LIPA: variants seen among roughly 807,000 people sequenced by gnomAD.
LIPA encodes lipase A, lysosomal acid type, also known as lysosomal acid lipase/cholesteryl ester hydrolase.
In LIPA, 26 loss-of-function variants were observed where a neutral mutation model predicts 40.6. The observed-to-expected ratio is 0.64, with a 90% CI of 0.47 to 0.89. The LOEUF (loss-of-function observed/expected upper bound fraction) is 0.89. Ranked by LOEUF, LIPA falls within the 40% of genes least tolerant of loss-of-function variation. The pLI is 0.00. For synonymous variants in LIPA, 188 were observed against 168.4 expected, an observed-to-expected ratio of 1.12 and a Z score of -0.90; for missense variants, 455 against 479.6, an observed-to-expected ratio of 0.95 and a Z score of 0.48.
rs1221768062 is a variant in LIPA, at chr10:89,213,651, TATTAACC to T, written c.*1170_*1176del. On this transcript the variant is annotated 3_prime_UTR_variant, in exon 10 of 10. Transcript: ENST00000336233. ...TACAAAGTAGTATTCGCCCTGCCTA[TATTAACC>T]ATTAACAAGCATTGTACTGTTAGTG... 6.6e-6 allele frequency: 1 copy of T among 152,306 alleles called. No homozygotes were observed. The highest frequency in any genetic ancestry group is 1.5e-5 in the Non-Finnish European group (1 of 68,094). The allele number at this position is 152,306 out of a possible 1,614,324, so 9.4% of individuals were successfully genotyped here.
chr10:89,226,313 T>C (rs938026349), intron 5 of LIPA, among the ~76,000 whole-genome samples: 15 of 152,208 alleles, frequency 9.9e-5, no homozygotes, highest in African/African-American at 2.4e-4. Context: ...GTGTTAGTCA[T>C]AGTAAACATT....
intron 8 of LIPA, among the ~76,000 whole-genome samples, chr10:89,218,353 A>G (rs972641430): frequency 4.6e-5 from 7 of 152,244 alleles, no homozygotes; most frequent in Non-Finnish European, 1.0e-4. Context: ...AAACAAAATG[A>G]TAATAAAATT....
At chr10:89,229,522 G>T (rs11203043) in intron 3 of LIPA, among the ~76,000 whole-genome samples, 2 of 151,982 alleles carry the variant, frequency 1.3e-5, no homozygotes, top group African/African-American at 4.8e-5. Context: ...AGGCTGAGGC[G>T]AGTGGATCAC....
At chr10:89,353,556 T>C (rs1184005504) in intron 2 of LIPA, among the ~76,000 whole-genome samples, 2 of 150,912 alleles carry the variant, frequency 1.3e-5, no homozygotes, top group African/African-American at 2.4e-5. Flanking sequence ...AGAATTTCCT[T>C]GTGGGCAAAT....
chr10:89,333,684 A>T (rs920106534), intron 1 of LIPA, among the ~76,000 whole-genome samples: 6 of 152,234 alleles, frequency 3.9e-5, no homozygotes, highest in Admixed American at 6.5e-5. Context: ...AAAATAAAAT[A>T]AAAATAAAGC....
intron 1 of LIPA, chr10:89,284,224 A>G (rs1334190197): frequency 6.6e-6 from 1 of 152,232 alleles, no homozygotes; most frequent in Admixed American, 6.5e-5. Flanking sequence ...TCATCAGTTA[A>G]TGATGCAAAC....
At chr10:89,234,226 A>G (rs912534976) in intron 3 of LIPA, among the ~76,000 whole-genome samples, 5 of 152,226 alleles carry the variant, frequency 3.3e-5, no homozygotes, top group Admixed American at 2.0e-4. Flanking sequence ...TGTGCACATG[A>G]AAGCCTCCCT....
chr10:89,273,717 T>C (rs1419056682), intron 1 of LIPA, among the ~76,000 whole-genome samples: 2 of 152,180 alleles, frequency 1.3e-5, no homozygotes, highest in African/African-American at 2.4e-5. Flanking sequence ...ATTGAGATAT[T>C]CCTGAGCTGT....
intron 2 of LIPA, chr10:89,402,885 C>A: frequency 1.2e-6 from 2 of 1,614,202 alleles, no homozygotes; most frequent in Non-Finnish European, 1.7e-6. Context: ...ATTTTCTTTG[C>A]TTCCCCTAAG....
chr10:89,332,381 A>G (rs1843663189), intron 1 of LIPA: 6 of 915,522 alleles, frequency 6.6e-6, no homozygotes, highest in South Asian at 6.5e-5. Context: ...CAGTTTTCCA[A>G]ATCTGTCTGG....
chr10:89,383,640 C>T (rs375153742), intron 2 of LIPA: 25 of 1,614,222 alleles, frequency 1.5e-5, no homozygotes, highest in Admixed American at 5.0e-5. Flanking sequence ...ACCACATGGG[C>T]AGATTGGCAG....
At chr10:89,414,569 G>A (rs1029275692), upstream of LIPA, 161 of 462,098 alleles carry the variant, frequency 3.5e-4, no homozygotes, top group African/African-American at 2.9e-3. Context: ...TTAAGTTTCA[G>A]TTTCTGAGCG....
intron 2 of LIPA, among the ~76,000 whole-genome samples, chr10:89,364,945 GAAATAAGA>G (rs1231848668): frequency 1.3e-5 from 2 of 152,196 alleles, no homozygotes; most frequent in Middle Eastern, 3.4e-3. Flanking sequence ...TGTCTGTGCA[GAAATAAGA>G]GGCAGAAGAA....
In LIPA at chr10:89,230,232, G is replaced by A. The variant is rs184177869; in HGVS notation, c.230-1834C>T. ...TCTTCTCAGCACTGAGAACACAGCA[G>A]AGAACAAAAACAAGAGGAAAAAAAG... On this transcript the variant is annotated intron_variant, in intron 3 of 9. Transcript: ENST00000336233. Among the ~76,000 whole-genome samples the A allele has an allele frequency of 1.7e-4, 26 of 152,248 alleles. No individual in the cohort carries two copies. The East Asian group carries it at 4.6e-3, about 27-fold the overall frequency.
chr10:89,353,590 C>G (rs1280737939), intron 2 of LIPA, among the ~76,000 whole-genome samples: 1 of 152,140 alleles, frequency 6.6e-6, no homozygotes, highest in African/African-American at 2.4e-5. Context: ...ACGAAAGACC[C>G]CAGAAGCATG....
intron 8 of LIPA, among the ~76,000 whole-genome samples, chr10:89,216,393 A>G (rs1842626633): frequency 6.8e-6 from 1 of 147,394 alleles, no homozygotes; most frequent in Admixed American, 6.8e-5. Context: ...ACAGATAGGT[A>G]GCTACATATA....
At chr10:89,359,658 TGGC>T (rs771143032) in intron 2 of LIPA, among the ~76,000 whole-genome samples, 4 of 152,190 alleles carry the variant, frequency 2.6e-5, no homozygotes, top group Non-Finnish European at 5.9e-5. Flanking sequence ...CTCAAGACCA[TGGC>T]AAGGTGGGGT....
chr10:89,277,596 C>T (rs932978680), intron 1 of LIPA, among the ~76,000 whole-genome samples: 1 of 152,116 alleles, frequency 6.6e-6, no homozygotes, highest in African/African-American at 2.4e-5. Flanking sequence ...GCTAGATGGA[C>T]AAAGTATGTT....
chr10:89,408,727 G>C (rs1172961598), intron 2 of LIPA, among the ~76,000 whole-genome samples: 3 of 152,228 alleles, frequency 2.0e-5, no homozygotes, highest in African/African-American at 7.2e-5. Context: ...ATCTCACTTA[G>C]AGAGATGTCA....
Sources: gnomAD v4.1 joint callset for allele counts (sites outside exome capture counted in the v4.1 genomes callset) on GRCh38, gnomAD v4.1.1 for gene constraint, MANE v1.5 for transcripts, NCBI Gene and HGNC (gene_info 2026-07-23, HGNC 2026-07-21) for gene names.